SCML4: variants seen among roughly 807,000 people sequenced by gnomAD.
SCML4 encodes the protein Scm polycomb group protein like 4, also known as sex comb on midleg-like protein 4.
In SCML4, 34 loss-of-function variants were observed where a neutral mutation model predicts 41.1. The ratio of observed to expected loss-of-function variants is 0.83; its 90% CI spans 0.63 to 1.10. The LOEUF (loss-of-function observed/expected upper bound fraction) is 1.10. SCML4 is among the 50% of genes least tolerant of loss of function. The pLI, the probability that SCML4 is intolerant of heterozygous loss-of-function variation, is 0.00. For synonymous variants in SCML4, 214 were observed against 220.9 expected (o/e 0.97, Z 0.28); for missense variants, 522 against 534.1 (o/e 0.98, Z 0.22).
At chr6:107,737,922 A>AT (rs199550256) in intron 5 of SCML4, among the ~76,000 whole-genome samples, 6 of 152,196 alleles carry the variant, frequency 3.9e-5, no homozygotes, top group South Asian at 2.1e-4. Flanking sequence ...AGCTTAATTA[A>AT]TTTTTTTTAA....
Position 107,768,720 on chromosome 6 carries a change from C to T in SCML4, c.156+3452G>A, listed in dbSNP as rs74756353. On this transcript the variant is annotated intron_variant, in intron 2 of 7. Transcript: ENST00000369020. ...AAATGCTTCCACCCGGAGCCTCAAA[C>T]GTAAAAGTATTCAATAAATATTTTG... 1.3e-3 allele frequency among the ~76,000 whole-genome samples: 199 copies of T among 152,208 alleles called. 2 individuals carry two copies. Among genetic ancestry groups the T allele is most frequent in the African/African-American group, 4.6e-3 (192 of 41,510 alleles).
intron 6 of SCML4, chr6:107,719,835 G>T (rs865897690): frequency 1.9e-5 from 18 of 933,810 alleles, no homozygotes; most frequent in Non-Finnish European, 2.3e-5. Context: ...AGCCCAGGCT[G>T]TCTGGCTCTA....
At chr6:107,796,380 T>C (rs1371211910) in intron 1 of SCML4, among the ~76,000 whole-genome samples, 1 of 152,200 alleles carries the variant, frequency 6.6e-6, no homozygotes, top group Non-Finnish European at 1.5e-5. Context: ...TAATTTGCAA[T>C]TCCTGTATTA....
At chr6:107,771,022 G>T (rs889252094) in intron 2 of SCML4, among the ~76,000 whole-genome samples, 1 of 152,270 alleles carries the variant, frequency 6.6e-6, no homozygotes, top group South Asian at 2.1e-4. Flanking sequence ...TGAAAGAAAG[G>T]AGATTCTTGT....
chr6:107,820,891 G>A (rs1784902417), intron 1 of SCML4, among the ~76,000 whole-genome samples: 1 of 152,200 alleles, frequency 6.6e-6, no homozygotes, highest in African/African-American at 2.4e-5. Context: ...ATATTCAAAT[G>A]CGATTCAAAC....
Position 107,705,158 on chromosome 6 carries a change from G to T in SCML4, c.*42C>A, listed in dbSNP as rs1399931518. Reference sequence around the variant, plus strand: ...ATTGGTAAGGCAGAAGATAATCTTGGGATCTGTTGTTTTGGGTTTCGCTTC... The same window carrying T: ...ATTGGTAAGGCAGAAGATAATCTTGTGATCTGTTGTTTTGGGTTTCGCTTC... On this transcript the variant is annotated 3_prime_UTR_variant, in exon 8 of 8. Transcript: ENST00000369020. 2 of 1,530,782 alleles carry T rather than the reference G, an allele frequency of 1.3e-6. No individual in the cohort carries two copies. The highest frequency in any genetic ancestry group is 1.8e-6 in the Non-Finnish European group (2 of 1,128,092). 94.8% of individuals were successfully genotyped at this position (1,530,782 alleles called of 1,614,324 possible).
rs559915725 is a variant in SCML4 at position 107,786,426 on chromosome 6, G to A, written c.-59-14040C>T. 2.0e-5 allele frequency among the ~76,000 whole-genome samples: 3 copies of A among 152,292 alleles called. No individual in the cohort carries two copies. In the South Asian group the frequency reaches 6.2e-4, roughly 32 times the overall value. The stretch of plus-strand genomic sequence containing the variant: ...GCTTTCCAGAGGCTCCTCCCCCACA[G>A]TCTTGCCTGAAAATTGCTACTTGGA... On this transcript the variant is annotated intron_variant, in intron 1 of 7. Coordinates refer to ENST00000369020, the MANE Select transcript of SCML4 (RefSeq NM_198081.5).
intron 4 of SCML4, chr6:107,746,442 T>C: frequency 2.3e-6 from 1 of 436,580 alleles, no homozygotes. Context: ...GAGTTGGAAG[T>C]GGGAAGTGGG....
chr6:107,774,173 T>G (rs545406848), intron 1 of SCML4, among the ~76,000 whole-genome samples: 1 of 152,352 alleles, frequency 6.6e-6, no homozygotes, highest in East Asian at 1.9e-4. Flanking sequence ...GATACGAATT[T>G]TTTTTCTGTT....
chr6:107,809,215 G>A (rs768805310), intron 1 of SCML4, among the ~76,000 whole-genome samples: 16 of 152,186 alleles, frequency 1.1e-4, no homozygotes, highest in Non-Finnish European at 2.1e-4. Flanking sequence ...AGACAGCAGC[G>A]CTTTCAGCCA....
intron 2 of SCML4, among the ~76,000 whole-genome samples, chr6:107,766,124 C>T (rs1322895027): frequency 2.0e-5 from 3 of 152,150 alleles, no homozygotes; most frequent in African/African-American, 4.8e-5. Context: ...AATCCTAGCA[C>T]TTTGGGAGGC....
chr6:107,761,821 A>G (rs1554213795), intron 2 of SCML4, among the ~76,000 whole-genome samples: 2 of 144,102 alleles, frequency 1.4e-5, no homozygotes, highest in Admixed American at 6.9e-5. Context: ...TTTTTTTTTC[A>G]AAAGTGAAGG....
At chr6:107,769,135 T>C (rs2354094) in intron 2 of SCML4, among the ~76,000 whole-genome samples, 32,566 of 152,178 alleles carry the variant, frequency 0.21, 4,123 homozygotes, top group African/African-American at 0.35. Flanking sequence ...TGGCTCTTCA[T>C]AGAACATACG....
At chr6:107,714,583 G>A (rs150641576) in intron 6 of SCML4, among the ~76,000 whole-genome samples, 5 of 152,274 alleles carry the variant, frequency 3.3e-5, no homozygotes, top group South Asian at 4.1e-4. Context: ...AACAGGGCCG[G>A]TGTCCATCTT....
the SCML4 span, among the ~76,000 whole-genome samples, chr6:107,839,410 A>G: frequency 6.8e-6 from 1 of 145,988 alleles, no homozygotes; most frequent in African/African-American, 2.8e-5. Context: ...AGAAAGAAAG[A>G]GGAAGAAGAG....
chr6:107,735,790 C>T (rs1361998498), intron 5 of SCML4, among the ~76,000 whole-genome samples: 1 of 79,894 alleles, frequency 1.3e-5, no homozygotes, highest in Non-Finnish European at 2.5e-5. Flanking sequence ...TGGAGCAAGA[C>T]CTTGTCTCAA....
At chr6:107,815,320 G>A (rs1315915641) in intron 1 of SCML4, among the ~76,000 whole-genome samples, 1 of 152,228 alleles carries the variant, frequency 6.6e-6, no homozygotes, top group African/African-American at 2.4e-5. Context: ...GGATGGAGCA[G>A]TCCCACACAA....
At chr6:107,749,657 G>A (rs1283318809) in intron 3 of SCML4, 27 bp downstream of exon 3, 1 of 1,612,554 alleles carries the variant, frequency 6.2e-7, no homozygotes, top group African/African-American at 1.3e-5. Flanking sequence ...GACCATCACA[G>A]CCTTGGAGTT....
intron 1 of SCML4, among the ~76,000 whole-genome samples, chr6:107,793,984 A>T (rs1467361390): frequency 2.0e-5 from 3 of 152,176 alleles, no homozygotes; most frequent in Non-Finnish European, 4.4e-5. Flanking sequence ...AAACAAAAAG[A>T]AGAAGAAGGC....
Sources: gnomAD v4.1 joint callset for allele counts (sites outside exome capture counted in the v4.1 genomes callset) on GRCh38, gnomAD v4.1.1 for gene constraint, MANE v1.5 for transcripts, NCBI Gene and HGNC (gene_info 2026-07-23, HGNC 2026-07-21) for gene names.